PLCB4: variants seen among roughly 807,000 people sequenced by gnomAD.
PLCB4 encodes the protein 1-phosphatidylinositol 4,5-bisphosphate phosphodiesterase beta-4.
PLCB4 carries 77 observed loss-of-function variants against 178.8 expected under a neutral mutation model. The observed-to-expected ratio is 0.43, with a 90% CI of 0.36 to 0.52. The LOEUF (loss-of-function observed/expected upper bound fraction) is 0.52. Ranked by LOEUF, PLCB4 falls within the 20% of genes least tolerant of loss-of-function variation. The pLI, the probability that PLCB4 is intolerant of heterozygous loss-of-function variation, is 0.00. For missense variants in PLCB4, 1,024 were observed against 1,453.4 expected (o/e 0.70, Z 4.80); for synonymous variants, 496 against 490.8 (o/e 1.01, Z -0.14).
intron 2 of PLCB4, among the ~76,000 whole-genome samples, chr20:9,156,144 T>C (rs2146956482): frequency 6.6e-6 from 1 of 152,316 alleles, no homozygotes; most frequent in East Asian, 1.9e-4. Flanking sequence ...TCTTCAGTCA[T>C]CTGCCATGGG....
intron 28 of PLCB4, among the ~76,000 whole-genome samples, chr20:9,431,274 C>T (rs966332277): frequency 6.6e-6 from 1 of 151,934 alleles, no homozygotes; most frequent in African/African-American, 2.4e-5. Context: ...ATGTTCTCTC[C>T]CTTCTTATAG....
At chr20:9,156,446 C>T (rs2092789534) in intron 2 of PLCB4, among the ~76,000 whole-genome samples, 1 of 152,144 alleles carries the variant, frequency 6.6e-6, no homozygotes, top group Non-Finnish European at 1.5e-5. Context: ...CAGTGTTGCA[C>T]AGACCTGAGG....
chr20:9,477,889 C>G (rs1352661915), intron 39 of PLCB4, among the ~76,000 whole-genome samples: 1 of 152,176 alleles, frequency 6.6e-6, no homozygotes, highest in Non-Finnish European at 1.5e-5. Flanking sequence ...AATCCCCTCC[C>G]AGTGACCTTC....
Position 9,344,482 on chromosome 20 carries a change from C to T in PLCB4, c.369+5445C>T, listed in dbSNP as rs151275575. 6.6e-3 allele frequency among the ~76,000 whole-genome samples: 1,002 copies of T among 152,166 alleles called. 3 individuals are homozygous for T. Among genetic ancestry groups the T allele is most frequent in the South Asian group, 0.021 (99 of 4,798 alleles). On this transcript the variant is annotated intron_variant, in intron 7 of 39. Coordinates refer to ENST00000378473, the MANE Select transcript of PLCB4 (RefSeq NM_001377142.1). Reference sequence around the variant, plus strand: ...TGCAACATCTAGAACTGTCAGTGCCCGACACTTAGTGAGTGCTCAATAAAA... The same window carrying T: ...TGCAACATCTAGAACTGTCAGTGCCTGACACTTAGTGAGTGCTCAATAAAA...
At chr20:9,439,493 C>T (rs2041980032) in intron 30 of PLCB4, among the ~76,000 whole-genome samples, 1 of 152,150 alleles carries the variant, frequency 6.6e-6, no homozygotes, top group South Asian at 2.1e-4. Context: ...TGTAGTATAA[C>T]ACAGATAGAT....
chr20:9,444,676 C>G (rs1295700559), intron 32 of PLCB4, among the ~76,000 whole-genome samples: 1 of 152,044 alleles, frequency 6.6e-6, no homozygotes, highest in African/African-American at 2.4e-5. Context: ...GCAGGAGAAT[C>G]GCTTTAACCC....
chr20:9,167,983 AT>A (rs1264303318), intron 2 of PLCB4, among the ~76,000 whole-genome samples: 3 of 152,198 alleles, frequency 2.0e-5, no homozygotes, highest in Non-Finnish European at 4.4e-5. Flanking sequence ...TTCTATGGCA[AT>A]TTTTAAGGGT....
intron 2 of PLCB4, among the ~76,000 whole-genome samples, chr20:9,156,819 G>GCCTCCCTCCCTCCCTCTCTC (rs2092796018): frequency 3.2e-5 from 1 of 31,264 alleles, no homozygotes; most frequent in African/African-American, 1.4e-4. Flanking sequence ...TTACAGGGTT[G>GCCTCCCTCCCTCCCTCTCTC]CCTCCCTCCC....
intron 19 of PLCB4, among the ~76,000 whole-genome samples, chr20:9,396,368 G>A (rs946010114): frequency 6.6e-6 from 1 of 152,200 alleles, no homozygotes; most frequent in African/African-American, 2.4e-5. Flanking sequence ...CTAAAAGCCA[G>A]TATTAAAATT....
intron 30 of PLCB4, among the ~76,000 whole-genome samples, chr20:9,439,614 A>G (rs2041989541): frequency 6.6e-6 from 1 of 152,204 alleles, no homozygotes; most frequent in Non-Finnish European, 1.5e-5. Context: ...TGGCTGGAAT[A>G]GAATGATCCA....
chr20:9,138,867 T>C (rs1383929065), intron 2 of PLCB4, among the ~76,000 whole-genome samples: 1 of 152,148 alleles, frequency 6.6e-6, no homozygotes, highest in South Asian at 2.1e-4. Context: ...AATGAATTTT[T>C]GAGTGCTGCT....
chr20:9,448,121 T>G (rs2042528501), intron 32 of PLCB4, among the ~76,000 whole-genome samples: 2 of 152,238 alleles, frequency 1.3e-5, no homozygotes, highest in African/African-American at 4.8e-5. Flanking sequence ...AGGAACATTA[T>G]GTAGCACTTT....
chr20:9,209,763 A>C (rs1013637841), intron 2 of PLCB4, among the ~76,000 whole-genome samples: 7 of 152,034 alleles, frequency 4.6e-5, no homozygotes, highest in African/African-American at 1.4e-4. Context: ...GAAAACCCAG[A>C]AACTCCTGGT....
chr20:9,114,929 C>T (rs955513643), intron 2 of PLCB4, among the ~76,000 whole-genome samples: 8 of 152,102 alleles, frequency 5.3e-5, no homozygotes, highest in Non-Finnish European at 1.2e-4. Flanking sequence ...TCTGTGACAC[C>T]GGCCTTTGGT....
intron 2 of PLCB4, among the ~76,000 whole-genome samples, chr20:9,100,077 G>GTCACAAGTAGGCAC (rs2091083235): frequency 2.0e-5 from 3 of 152,146 alleles, no homozygotes; most frequent in Non-Finnish European, 4.4e-5. Flanking sequence ...ACACTCATGG[G>GTCACAAGTAGGCAC]ACTTCAGGTT....
chr20:9,209,750 G>A (rs1406427030), intron 2 of PLCB4, among the ~76,000 whole-genome samples: 1 of 151,970 alleles, frequency 6.6e-6, no homozygotes, highest in African/African-American at 2.4e-5. Flanking sequence ...AAGATGCTGA[G>A]CAGAAAACCC....
intron 3 of PLCB4, among the ~76,000 whole-genome samples, chr20:9,277,361 A>T (rs2094459002): frequency 6.6e-6 from 1 of 152,044 alleles, no homozygotes; most frequent in South Asian, 2.1e-4. Flanking sequence ...TTTGTGGATG[A>T]TGATTTGATT....
intron 2 of PLCB4, among the ~76,000 whole-genome samples, chr20:9,108,586 A>T (rs551968608): frequency 6.6e-6 from 1 of 152,054 alleles, no homozygotes; most frequent in Admixed American, 6.6e-5. Flanking sequence ...CATGGAAATG[A>T]TGATGATGAT....
intron 2 of PLCB4, among the ~76,000 whole-genome samples, chr20:9,167,915 G>T (rs997514185): frequency 6.6e-6 from 1 of 152,244 alleles, no homozygotes; most frequent in East Asian, 1.9e-4. Flanking sequence ...AGTAAACAAA[G>T]CATGACCATT....
Sources: gnomAD v4.1 joint callset for allele counts (sites outside exome capture counted in the v4.1 genomes callset) on GRCh38, gnomAD v4.1.1 for gene constraint, MANE v1.5 for transcripts, NCBI Gene and HGNC (gene_info 2026-07-23, HGNC 2026-07-21) for gene names.